The following SDHC variants were observed in gnomAD, a reference collection of about 807,000 sequenced individuals.
SDHC encodes succinate dehydrogenase cytochrome b560 subunit, mitochondrial.
A neutral mutation model predicts 22.6 loss-of-function variants in SDHC; 11 were observed. The ratio of observed to expected loss-of-function variants is 0.49; its 90% confidence interval spans 0.31 to 0.81. SDHC has a LOEUF of 0.81. Ranked by LOEUF, SDHC falls within the 30% of genes least tolerant of loss-of-function variation. SDHC has a pLI of 0.05. For synonymous variants in SDHC, 80 were observed against 77.8 expected, an observed-to-expected ratio of 1.03 and a Z score of -0.15; for missense variants, 160 against 212.0, an observed-to-expected ratio of 0.75 and a Z score of 1.52.
intron 3 of SDHC, among the ~76,000 whole-genome samples, chr1:161,337,061 G>GGTTTTTTT (rs1428173311): frequency 7.5e-6 from 1 of 133,900 alleles, no homozygotes; most frequent in African/African-American, 2.8e-5. Flanking sequence ...GTAGAAATGG[G>GGTTTTTTT]TTTTTTTTTT....
At chr1:161,352,409 G>T (rs1672126995) in intron 4 of SDHC, among the ~76,000 whole-genome samples, 1 of 152,010 alleles carries the variant, frequency 6.6e-6, no homozygotes, top group Non-Finnish European at 1.5e-5. Context: ...TGACCTCCCA[G>T]AGATTTGTAT....
intron 4 of SDHC, among the ~76,000 whole-genome samples, chr1:161,355,742 G>A (rs1281842702): frequency 6.6e-6 from 1 of 152,166 alleles, no homozygotes; most frequent in Admixed American, 6.6e-5. Context: ...CCAGCGCTTT[G>A]GGAGGCTGAG....
chr1:161,314,475 G>A (rs778018335), intron 1 of SDHC, 50 bp downstream of exon 1: 21 of 1,602,894 alleles, frequency 1.3e-5, no homozygotes, highest in Middle Eastern at 3.3e-4. Context: ...CCGGAGATCT[G>A]AACTGGCCCC....
At chr1:161,315,510 A>G (rs1203279379) in intron 1 of SDHC, among the ~76,000 whole-genome samples, 1 of 152,160 alleles carries the variant, frequency 6.6e-6, no homozygotes. Context: ...CCATAATTGA[A>G]TGCTTTTGAA....
chr1:161,352,815 A>AAAT (rs1161532929), intron 4 of SDHC, among the ~76,000 whole-genome samples: 1 of 152,100 alleles, frequency 6.6e-6, no homozygotes, highest in Non-Finnish European at 1.5e-5. Context: ...TCTCTACTAA[A>AAAT]AATACAAAAA....
At chr1:161,332,016 C>T (rs558219076) in intron 3 of SDHC, among the ~76,000 whole-genome samples, 2 of 152,094 alleles carry the variant, frequency 1.3e-5, no homozygotes, top group African/African-American at 4.8e-5. Flanking sequence ...ACTGTGCCAC[C>T]CAGGCTGGAG....
chr1:161,336,369 C>T (rs1227788668), intron 3 of SDHC, among the ~76,000 whole-genome samples: 1 of 151,728 alleles, frequency 6.6e-6, no homozygotes, highest in Non-Finnish European at 1.5e-5. Context: ...GCAGGAGAAT[C>T]GCTTGAACCC....
At chr1:161,346,403 CTT>C (rs765675394) in intron 4 of SDHC, among the ~76,000 whole-genome samples, 1 of 144,862 alleles carries the variant, frequency 6.9e-6, no homozygotes, top group Non-Finnish European at 1.5e-5. Context: ...ACTGTGATAG[CTT>C]TTTTTTTTTT....
At chr1:161,334,763 T>TCATCTGCAACCTTAATTC (rs1192232483) in intron 3 of SDHC, among the ~76,000 whole-genome samples, 1 of 152,210 alleles carries the variant, frequency 6.6e-6, no homozygotes, top group Admixed American at 6.5e-5. Context: ...AACCTTAATT[T>TCATCTGCAACCTTAATTC]CATCTGCAAC....
At chr1:161,318,465 C>CAAGA (rs1330291178) in intron 1 of SDHC, among the ~76,000 whole-genome samples, 1 of 152,132 alleles carries the variant, frequency 6.6e-6, no homozygotes, top group East Asian at 1.9e-4. Context: ...AATGACTTGC[C>CAAGA]AAGGCCAAGG....
At chr1:161,320,743 A>G (rs1670806918) in intron 1 of SDHC, among the ~76,000 whole-genome samples, 1 of 151,946 alleles carries the variant, frequency 6.6e-6, no homozygotes, top group African/African-American at 2.4e-5. Flanking sequence ...TAAGGTAGGT[A>G]TTATCAATCC....
At chr1:161,326,229 C>T (rs1044706524) in intron 2 of SDHC, among the ~76,000 whole-genome samples, 2 of 151,340 alleles carry the variant, frequency 1.3e-5, no homozygotes, top group Non-Finnish European at 2.9e-5. Context: ...GCAGAGTTAT[C>T]GTCTGATATG....
intron 3 of SDHC, among the ~76,000 whole-genome samples, chr1:161,329,214 T>C (rs1392963922): frequency 1.3e-5 from 2 of 152,170 alleles, no homozygotes; most frequent in African/African-American, 2.4e-5. Flanking sequence ...CCACAACTTC[T>C]TAAATTATTC....
intron 2 of SDHC, among the ~76,000 whole-genome samples, chr1:161,324,006 T>C (rs77439255): frequency 6.6e-6 from 1 of 151,776 alleles, no homozygotes; most frequent in Non-Finnish European, 1.5e-5. Context: ...CTGGAGATTA[T>C]TTTTTTTTCC....
intron 1 of SDHC, among the ~76,000 whole-genome samples, chr1:161,320,633 C>G (rs559066378): frequency 6.6e-6 from 1 of 151,918 alleles, no homozygotes; most frequent in South Asian, 2.1e-4. Context: ...CTAAAGACCT[C>G]GGGGAGACCA....
At chr1:161,329,445 C>T (rs965039676) in intron 3 of SDHC, among the ~76,000 whole-genome samples, 2 of 152,110 alleles carry the variant, frequency 1.3e-5, no homozygotes, top group Non-Finnish European at 2.9e-5. Context: ...GATTCTTGTG[C>T]CTCAGCCTCC....
chr1:161,353,306 GA>G (rs1286212994), intron 4 of SDHC, among the ~76,000 whole-genome samples: 1 of 152,178 alleles, frequency 6.6e-6, no homozygotes, highest in African/African-American at 2.4e-5. Context: ...TGTCCTATTT[GA>G]TGCATAGATC....
At position 161,340,748 on chromosome 1, in the gene SDHC, C is replaced by T. The variant is rs531935227; in HGVS notation, c.241+93C>T. ...AGTCTCCGCCTCCTTTGAAACTCAG[C>T]ACTTGATTTAGAGGGAACAGTAAGT... On this transcript the variant is annotated intron_variant, in intron 4 of 5. Transcript: ENST00000367975. 19 of 928,200 alleles carry T rather than the reference C, an allele frequency of 2.0e-5. No individual in the cohort carries two copies. The Admixed American group carries it at 2.9e-4, about 14-fold the overall frequency. 57.5% of individuals were successfully genotyped at this position (928,200 alleles called of 1,614,324 possible).
At chr1:161,349,740 G>A (rs969029996) in intron 4 of SDHC, among the ~76,000 whole-genome samples, 3 of 152,158 alleles carry the variant, frequency 2.0e-5, no homozygotes, top group East Asian at 1.9e-4. Flanking sequence ...CAGACTGAGT[G>A]TAGAAAAAGT....
Sources: gnomAD v4.1 joint callset for allele counts (sites outside exome capture counted in the v4.1 genomes callset) on GRCh38, gnomAD v4.1.1 for gene constraint, MANE v1.5 for transcripts, NCBI Gene and HGNC (gene_info 2026-07-23, HGNC 2026-07-21) for gene names.